The following SPAG16 variants were observed in gnomAD, a reference collection of about 807,000 sequenced individuals.
SPAG16 encodes the protein sperm-associated antigen 16 protein.
A neutral mutation model predicts 80.4 loss-of-function variants in SPAG16; 86 were observed. The observed-to-expected ratio is 1.07, with a 90% CI of 0.90 to 1.28. SPAG16 has a LOEUF of 1.28. Among genes scored for constraint, SPAG16 ranks in the 50% most tolerant of loss-of-function variants. The pLI is 0.00. For synonymous variants in SPAG16, 294 were observed against 265.9 expected (o/e 1.11, Z -1.03); for missense variants, 870 against 765.3 (o/e 1.14, Z -1.61).
At chr2:214,311,837 C>T (rs986420389) in intron 15 of SPAG16, 1 of 152,124 alleles carries the variant, frequency 6.6e-6, no homozygotes, top group Non-Finnish European at 1.5e-5. Flanking sequence ...TGATTTCCTC[C>T]AGGAAATAAT....
intron 11 of SPAG16, among the ~76,000 whole-genome samples, chr2:213,912,389 A>G (rs2077716780): frequency 6.6e-6 from 1 of 152,210 alleles, no homozygotes. Context: ...TAAGAGAGAA[A>G]CTATGAGACA....
intron 9 of SPAG16, among the ~76,000 whole-genome samples, chr2:213,402,014 T>C (rs1398802514): frequency 6.6e-6 from 1 of 152,108 alleles, no homozygotes. Context: ...TATTTTTTAA[T>C]ATAATGAAAC....
chr2:213,463,466 C>T (rs563499758), intron 9 of SPAG16, among the ~76,000 whole-genome samples: 2 of 152,334 alleles, frequency 1.3e-5, no homozygotes, highest in South Asian at 4.1e-4. Flanking sequence ...GTTTCATTGA[C>T]CGGGCCCAGG....
chr2:213,552,770 G>T (rs934315876), intron 10 of SPAG16, among the ~76,000 whole-genome samples: 1 of 149,912 alleles, frequency 6.7e-6, no homozygotes, highest in Non-Finnish European at 1.5e-5. Context: ...ATCTGGGTGG[G>T]CACCATTTAA....
At chr2:214,310,165 C>CT (rs3044977) in intron 15 of SPAG16, among the ~76,000 whole-genome samples, 2,013 of 143,746 alleles carry the variant, frequency 0.014, 39 homozygotes, top group African/African-American at 0.037. Flanking sequence ...TTCTTTCTTT[C>CT]TTTTTTTTTT....
At chr2:214,361,984 A>T (rs982090921) in intron 15 of SPAG16, among the ~76,000 whole-genome samples, 1 of 151,920 alleles carries the variant, frequency 6.6e-6, no homozygotes, top group African/African-American at 2.4e-5. Flanking sequence ...GATATCTCTG[A>T]TAACTACTTC....
At chr2:213,448,321 G>A (rs1388106869) in intron 9 of SPAG16, among the ~76,000 whole-genome samples, 1 of 152,182 alleles carries the variant, frequency 6.6e-6, no homozygotes, top group Non-Finnish European at 1.5e-5. Context: ...ATTTATCCTT[G>A]GAGATAACTA....
chr2:214,220,977 TC>T (rs763396736), intron 15 of SPAG16, among the ~76,000 whole-genome samples: 1 of 152,182 alleles, frequency 6.6e-6, no homozygotes, highest in Non-Finnish European at 1.5e-5. Context: ...AGTTTCTTTT[TC>T]ACCCAATTCC....
At chr2:213,913,062 G>T (rs993992947) in intron 11 of SPAG16, among the ~76,000 whole-genome samples, 1 of 151,926 alleles carries the variant, frequency 6.6e-6, no homozygotes, top group Admixed American at 6.6e-5. Context: ...TCACATACAT[G>T]TATTCACATA....
chr2:214,031,628 GAAAAAA>G (rs34664637), intron 13 of SPAG16, among the ~76,000 whole-genome samples: 6 of 140,580 alleles, frequency 4.3e-5, no homozygotes, highest in African/African-American at 1.6e-4. Context: ...AAATAAACAT[GAAAAAA>G]AAAAGAAAAA....
At chr2:213,984,328 A>G (rs755628772) in intron 12 of SPAG16, among the ~76,000 whole-genome samples, 99 of 152,236 alleles carry the variant, frequency 6.5e-4, no homozygotes, top group Non-Finnish European at 1.2e-3. Flanking sequence ...GCCATAGTAC[A>G]CACATATGTC....
chr2:213,740,293 A>G (rs1379950905), intron 10 of SPAG16, among the ~76,000 whole-genome samples: 1 of 152,216 alleles, frequency 6.6e-6, no homozygotes, highest in Admixed American at 6.5e-5. Flanking sequence ...GACTCCAGGA[A>G]TATAAAATCT....
chr2:213,628,806 C>T (rs989369217), intron 10 of SPAG16, among the ~76,000 whole-genome samples: 1 of 152,102 alleles, frequency 6.6e-6, no homozygotes, highest in Non-Finnish European at 1.5e-5. Context: ...TATAATTTAT[C>T]TCACCAATAA....
intron 12 of SPAG16, among the ~76,000 whole-genome samples, chr2:213,973,084 A>G (rs2106386007): frequency 6.6e-6 from 1 of 151,980 alleles, no homozygotes; most frequent in East Asian, 1.9e-4. Flanking sequence ...CTCTGGCCCA[A>G]CCTTTACTTC....
At chr2:213,989,811 G>A (rs1003315332) in intron 12 of SPAG16, among the ~76,000 whole-genome samples, 7 of 152,232 alleles carry the variant, frequency 4.6e-5, no homozygotes, top group Admixed American at 4.6e-4. Flanking sequence ...TGATTTGCCT[G>A]TAGTTATGTA....
chr2:213,702,415 ACACT>A (rs1486887708), intron 10 of SPAG16, among the ~76,000 whole-genome samples: 1 of 152,190 alleles, frequency 6.6e-6, no homozygotes, highest in Non-Finnish European at 1.5e-5. Flanking sequence ...ATGAGCTGTA[ACACT>A]CACCGCGAAG....
At chr2:214,392,650 A>G (rs1051604714) in intron 15 of SPAG16, among the ~76,000 whole-genome samples, 1 of 151,632 alleles carries the variant, frequency 6.6e-6, no homozygotes, top group Non-Finnish European at 1.5e-5. Context: ...TCTGAAGAAG[A>G]GTTTAGGAGT....
At chr2:213,980,045 A>T (rs563512886) in intron 12 of SPAG16, among the ~76,000 whole-genome samples, 1 of 151,720 alleles carries the variant, frequency 6.6e-6, no homozygotes, top group African/African-American at 2.4e-5. Flanking sequence ...AAAGAACCAG[A>T]CTTACTGAAA....
rs549667589 is a variant in SPAG16, at chr2:213,322,344, A to C, written c.536+4988A>C. Among the ~76,000 whole-genome samples, 8 of 116,940 alleles carry C rather than the reference A, an allele frequency of 6.8e-5. No homozygotes were observed. In the South Asian group the frequency reaches 2.1e-3, roughly 30 times the overall value. The allele number at this position is 116,940 out of a possible 152,430, so 76.7% of individuals were successfully genotyped here. ...ATAGTGTAGACAATGCAAAAAAAAA[A>C]AAAAAAAAAAAACAAAAAACTCGTT... is the stretch of plus-strand genomic sequence containing the variant. On this transcript the variant is annotated intron_variant, in intron 5 of 15. Transcript: ENST00000331683.
Sources: gnomAD v4.1 joint callset for allele counts (sites outside exome capture counted in the v4.1 genomes callset) on GRCh38, gnomAD v4.1.1 for gene constraint, MANE v1.5 for transcripts, NCBI Gene and HGNC (gene_info 2026-07-23, HGNC 2026-07-21) for gene names.